RHOJ: variants seen among roughly 807,000 people sequenced by gnomAD.
RHOJ encodes rho-related GTP-binding protein RhoJ.
A neutral mutation model predicts 23.4 loss-of-function variants in RHOJ; 11 were observed. The observed-to-expected ratio is 0.47, with a 90% CI of 0.30 to 0.78. The LOEUF (loss-of-function observed/expected upper bound fraction) is 0.78, where lower values mean the gene tolerates loss of function less well. Among genes scored for constraint, RHOJ ranks in the 30% least tolerant of loss-of-function variants. RHOJ has a pLI of 0.08. For missense variants in RHOJ, 254 were observed against 273.4 expected, an observed-to-expected ratio of 0.93 and a Z score of 0.50; for synonymous variants, 102 against 102.7, an observed-to-expected ratio of 0.99 and a Z score of 0.04.
At chr14:63,225,434 A>G (rs1258927052) in intron 1 of RHOJ, among the ~76,000 whole-genome samples, 1 of 152,138 alleles carries the variant, frequency 6.6e-6, no homozygotes, top group African/African-American at 2.4e-5. Flanking sequence ...AAAATCTTTC[A>G]TTTTTCAAGC....
At chr14:63,254,230 T>C (rs1895122720) in intron 1 of RHOJ, among the ~76,000 whole-genome samples, 1 of 152,180 alleles carries the variant, frequency 6.6e-6, no homozygotes, top group African/African-American at 2.4e-5. Flanking sequence ...GCCTTCCTTA[T>C]TTTCTAGAAT....
chr14:63,284,137 T>A (rs893182642), intron 4 of RHOJ: 2 of 766,818 alleles, frequency 2.6e-6, no homozygotes, highest in African/African-American at 3.8e-5. Flanking sequence ...TTCAAGCCAG[T>A]CAAGAATATT....
intron 1 of RHOJ, among the ~76,000 whole-genome samples, chr14:63,258,272 C>T (rs960899309): frequency 2.0e-5 from 3 of 150,278 alleles, no homozygotes; most frequent in Non-Finnish European, 4.4e-5. Flanking sequence ...ATTTCTAATT[C>T]CCTTTCCTAT....
At chr14:63,237,435 T>C (rs1389465336) in intron 1 of RHOJ, among the ~76,000 whole-genome samples, 1 of 152,236 alleles carries the variant, frequency 6.6e-6, no homozygotes, top group Admixed American at 6.5e-5. Flanking sequence ...GTCAGATCAA[T>C]TGCAGTCCCC....
At chr14:63,209,459 A>G (rs766890504) in intron 1 of RHOJ, among the ~76,000 whole-genome samples, 4 of 151,632 alleles carry the variant, frequency 2.6e-5, no homozygotes, top group East Asian at 3.9e-4. Context: ...AAGAGTTTGT[A>G]CTTGCTTTTT....
intron 1 of RHOJ, among the ~76,000 whole-genome samples, chr14:63,223,702 A>C (rs1382936904): frequency 6.6e-6 from 1 of 152,212 alleles, no homozygotes; most frequent in Non-Finnish European, 1.5e-5. Flanking sequence ...TGGTGGTACA[A>C]GAAGGAGGGA....
At chr14:63,289,146 A>G (rs548583569) in intron 4 of RHOJ, among the ~76,000 whole-genome samples, 1 of 152,348 alleles carries the variant, frequency 6.6e-6, no homozygotes, top group Non-Finnish European at 1.5e-5. Flanking sequence ...CTGCTGCCAA[A>G]TATATCCCAC....
At chr14:63,243,710 G>A (rs899013751) in intron 1 of RHOJ, among the ~76,000 whole-genome samples, 1 of 152,136 alleles carries the variant, frequency 6.6e-6, no homozygotes, top group Non-Finnish European at 1.5e-5. Context: ...AAGTCTAAAC[G>A]GCAAGGACAT....
chr14:63,230,840 G>GTTTTTTT (rs1566611310), intron 1 of RHOJ, among the ~76,000 whole-genome samples: 1 of 96,720 alleles, frequency 1.0e-5, no homozygotes. Flanking sequence ...AGGGTACAAG[G>GTTTTTTT]CTTTTTTTTT....
chr14:63,269,346 A>G (rs1895424977), intron 2 of RHOJ, 178 bp downstream of exon 2: 1 of 490,780 alleles, frequency 2.0e-6, no homozygotes, highest in African/African-American at 2.0e-5. Flanking sequence ...AAAAATTACA[A>G]AAATCTAAAT....
At chr14:63,206,718 C>A (rs978860138) in intron 1 of RHOJ, among the ~76,000 whole-genome samples, 1 of 152,150 alleles carries the variant, frequency 6.6e-6, no homozygotes, top group African/African-American at 2.4e-5. Context: ...AAAGGCTGAA[C>A]CACAACTAGA....
Position 63,204,909 on chromosome 14 carries a change from A to AG in RHOJ, c.44dup (p.Asn16GlnfsTer41). 6.2e-7 allele frequency: 1 copy of AG among 1,614,142 alleles called. No individual in the cohort carries two copies. Among genetic ancestry groups the AG allele is most frequent in the Non-Finnish European group, 8.5e-7 (1 of 1,180,008 alleles). ...GGGAACTGACAGCAGCTGCGGCTGC[A>AG]GGGGCAACGACGAGAAGAAGATGTT... On this transcript the variant is annotated frameshift_variant, in exon 1 of 5. Transcript: ENST00000316754. LOFTEE classifies it high-confidence loss of function.
rs955631298 is a variant in RHOJ, at chr14:63,284,395, T to A, written c.498+1179T>A. The A allele has an allele frequency of 2.0e-5, 19 of 969,880 alleles. No homozygotes were observed. In the African/African-American group the frequency reaches 3.2e-4, roughly 16 times the overall value. 60.1% of individuals were successfully genotyped at this position (969,880 alleles called of 1,614,324 possible). A position where few individuals can be genotyped will look rare whatever the true frequency, so the allele number is the denominator to read the frequency against. On this transcript the variant is annotated intron_variant, in intron 4 of 4. Coordinates refer to ENST00000316754, the MANE Select transcript of RHOJ (RefSeq NM_020663.5). Reference sequence around the variant, plus strand: ...ATGGAGTCCTTAGGATCCTAAGTACTTAATAATATCTCTCACTTCAGCCTC... The same window carrying A: ...ATGGAGTCCTTAGGATCCTAAGTACATAATAATATCTCTCACTTCAGCCTC...
chr14:63,285,352 CCTTTAGGTTTGGGGCTT>C (rs1326801306), intron 4 of RHOJ, among the ~76,000 whole-genome samples: 1 of 152,152 alleles, frequency 6.6e-6, no homozygotes, highest in African/African-American at 2.4e-5. Context: ...TGAAAAGAAA[CCTTTAGGTTTGGGGCTT>C]CTTTTTTATA....
intron 1 of RHOJ, among the ~76,000 whole-genome samples, chr14:63,208,778 A>G (rs905222571): frequency 3.9e-5 from 6 of 152,240 alleles, no homozygotes; most frequent in African/African-American, 1.4e-4. Flanking sequence ...TTTAAACATC[A>G]TTCATATCCT....
chr14:63,284,177 A>G lies in RHOJ; in HGVS notation c.498+961A>G, dbSNP rs576447688. 407 of 962,996 alleles carry G rather than the reference A, an allele frequency of 4.2e-4. 7 individuals are homozygous for G. In the South Asian group the frequency reaches 0.017, roughly 40 times the overall value. 59.7% of individuals were successfully genotyped at this position (962,996 alleles called of 1,614,324 possible). ...ACAAATTCTTCACTTACAAAATTGT[A>G]TGCATTTATCTTATTAAATCTTGCT... On this transcript the variant is annotated intron_variant, in intron 4 of 4. Coordinates refer to ENST00000316754, the MANE Select transcript of RHOJ (RefSeq NM_020663.5).
At chr14:63,235,501 A>G (rs1043339834) in intron 1 of RHOJ, among the ~76,000 whole-genome samples, 1 of 152,180 alleles carries the variant, frequency 6.6e-6, no homozygotes, top group Admixed American at 6.6e-5. Context: ...CATGTCTACA[A>G]TTTACTTTCA....
intron 4 of RHOJ, chr14:63,284,244 G>T (rs1056798664): frequency 2.0e-6 from 2 of 985,044 alleles, no homozygotes; most frequent in African/African-American, 3.5e-5. Flanking sequence ...AACTAGAAAT[G>T]AATTAAATAC....
chr14:63,286,753 T>C (rs1882095416), intron 4 of RHOJ, among the ~76,000 whole-genome samples: 2 of 152,136 alleles, frequency 1.3e-5, no homozygotes, highest in African/African-American at 4.8e-5. Flanking sequence ...TCCCCACCAC[T>C]CCATATTATC....
Sources: allele counts gnomAD v4.1 joint callset (sites outside exome capture counted in the v4.1 genomes callset), GRCh38; gene constraint gnomAD v4.1.1; transcripts MANE v1.5; gene names NCBI Gene and HGNC (gene_info 2026-07-23, HGNC 2026-07-21).